Variants in BTBD7 observed in about 807,000 individuals in gnomAD.
The protein encoded by BTBD7 is BTB domain containing 7, also known as BTB/POZ domain-containing protein 7.
Under a neutral mutation model 99.9 loss-of-function variants are expected in BTBD7, and 38 were observed. The ratio of observed to expected loss-of-function variants is 0.38; its 90% CI spans 0.29 to 0.50. The LOEUF (loss-of-function observed/expected upper bound fraction) is 0.50. Among genes scored for constraint, BTBD7 ranks in the 20% least tolerant of loss-of-function variants. The pLI is 0.93. For synonymous variants in BTBD7, 520 were observed against 511.4 expected, an observed-to-expected ratio of 1.02 and a Z score of -0.23; for missense variants, 1,170 against 1,394.6, an observed-to-expected ratio of 0.84 and a Z score of 2.57.
At chr14:93,278,474 G>A (rs1014620525) in intron 3 of BTBD7, among the ~76,000 whole-genome samples, 1 of 152,072 alleles carries the variant, frequency 6.6e-6, no homozygotes. Context: ...ATATGATCAT[G>A]TGCTCCCTTC....
Position 93,284,528 on chromosome 14 carries a change from G to T in BTBD7, c.1162+9330C>A, listed in dbSNP as rs561293025. Among the ~76,000 whole-genome samples, 4 of 151,316 alleles carry T rather than the reference G, an allele frequency of 2.6e-5. No individual in the cohort carries two copies. In the East Asian group the frequency reaches 7.8e-4, roughly 29 times the overall value. On this transcript the variant is annotated intron_variant, in intron 3 of 10. Coordinates refer to ENST00000334746, the MANE Select transcript of BTBD7 (RefSeq NM_001002860.4). Reference sequence around the variant, plus strand: ...TAAAAATAATTCAAAACATGTAACTGACAGTATACTAAGAATAAAGCAGTG... The same window carrying T: ...TAAAAATAATTCAAAACATGTAACTTACAGTATACTAAGAATAAAGCAGTG...
At chr14:93,301,597 G>C (rs1160087452) in intron 1 of BTBD7, among the ~76,000 whole-genome samples, 2 of 152,164 alleles carry the variant, frequency 1.3e-5, no homozygotes, top group African/African-American at 4.8e-5. Context: ...GGCTGAGGCA[G>C]GAAGATTGCT....
chr14:93,297,511 T>TG (rs1283981527), intron 1 of BTBD7, among the ~76,000 whole-genome samples: 2 of 152,086 alleles, frequency 1.3e-5, no homozygotes, highest in Non-Finnish European at 2.9e-5. Flanking sequence ...TTAGTAGAGA[T>TG]GGGGTTTCAC....
intron 1 of BTBD7, among the ~76,000 whole-genome samples, chr14:93,324,428 A>AAAATAAAAAAAAT (rs371147922): frequency 2.0e-5 from 3 of 151,296 alleles, no homozygotes; most frequent in Non-Finnish European, 4.4e-5. Context: ...TCTCAAAAAA[A>AAAATAAAAAAAAT]AAAAAAAGAG....
At chr14:93,272,498 CCTCT>C (rs1257133425) in intron 3 of BTBD7, among the ~76,000 whole-genome samples, 1 of 152,280 alleles carries the variant, frequency 6.6e-6, no homozygotes, top group Non-Finnish European at 1.5e-5. Flanking sequence ...CTTCAATTAG[CCTCT>C]CTTCCATTCC....
chr14:93,298,047 CTTTT>C (rs34985437), intron 1 of BTBD7, among the ~76,000 whole-genome samples: 9 of 151,918 alleles, frequency 5.9e-5, no homozygotes, highest in African/African-American at 1.9e-4. Flanking sequence ...ATTATTATTT[CTTTT>C]TTTTGTTTGT....
At chr14:93,253,822 C>A (rs369555602) in intron 6 of BTBD7, 32 bp from the exon 7 acceptor site, 8 of 1,296,362 alleles carry the variant, frequency 6.2e-6, no homozygotes, top group Non-Finnish European at 8.5e-6. Context: ...AGATAGAAAT[C>A]TGTGTAGTAC....
chr14:93,309,717 T>C (rs1001964057), intron 1 of BTBD7, among the ~76,000 whole-genome samples: 2 of 152,058 alleles, frequency 1.3e-5, no homozygotes, highest in African/African-American at 2.4e-5. Flanking sequence ...AACAGTAAAA[T>C]GTTTCTTGAT....
rs1384626018 is a variant in BTBD7 at position 93,240,114 on chromosome 14, C to A, written c.*2159G>T. ...TTACAAATGAGAACAGAGGCCTATG[C>A]TTTTCTCTTTAAAAAAGGAGCCTCG... On this transcript the variant is annotated 3_prime_UTR_variant, in exon 11 of 11. Transcript: ENST00000334746. 2 of 152,258 alleles carry A rather than the reference C, an allele frequency of 1.3e-5. No homozygotes were observed. Among genetic ancestry groups the A allele is most frequent in the Non-Finnish European group, 2.9e-5 (2 of 68,036 alleles). 9.4% of individuals were successfully genotyped at this position (152,258 alleles called of 1,614,324 possible). A position where few individuals can be genotyped will look rare whatever the true frequency, so the allele number is the denominator to read the frequency against.
intron 3 of BTBD7, among the ~76,000 whole-genome samples, chr14:93,273,837 G>C (rs1238149118): frequency 6.6e-6 from 1 of 152,224 alleles, no homozygotes; most frequent in African/African-American, 2.4e-5. Context: ...TGGGAGGAAA[G>C]AGTGTAGGCA....
At chr14:93,312,833 C>G (rs913151982) in intron 1 of BTBD7, among the ~76,000 whole-genome samples, 2 of 152,196 alleles carry the variant, frequency 1.3e-5, no homozygotes, top group African/African-American at 4.8e-5. Flanking sequence ...TGCCACTGTA[C>G]CCTCTCCTTT....
chr14:93,314,465 A>G (rs1305240223), intron 1 of BTBD7, among the ~76,000 whole-genome samples: 1 of 152,188 alleles, frequency 6.6e-6, no homozygotes, highest in Non-Finnish European at 1.5e-5. Context: ...ATAATATAGC[A>G]AGGTTGCAAA....
chr14:93,248,944 G>C (rs2052342760), intron 8 of BTBD7, among the ~76,000 whole-genome samples: 1 of 152,022 alleles, frequency 6.6e-6, no homozygotes, highest in East Asian at 1.9e-4. Flanking sequence ...CTGAATCTCA[G>C]GATATTTCAG....
chr14:93,331,334 T>C (rs1370450329), intron 1 of BTBD7, among the ~76,000 whole-genome samples: 1 of 152,136 alleles, frequency 6.6e-6, no homozygotes, highest in African/African-American at 2.4e-5. Flanking sequence ...GTCTAATCCA[T>C]CGCCAGCTGT....
chr14:93,264,682 G>A (rs181417432), intron 3 of BTBD7, among the ~76,000 whole-genome samples: 44 of 152,266 alleles, frequency 2.9e-4, no homozygotes, highest in Non-Finnish European at 5.1e-4. Context: ...GTAAAAATCT[G>A]AGTGACAAAG....
chr14:93,309,824 T>C (rs1017210151), intron 1 of BTBD7, among the ~76,000 whole-genome samples: 2 of 152,176 alleles, frequency 1.3e-5, no homozygotes, highest in African/African-American at 4.8e-5. Context: ...TTCCTATTAC[T>C]TGTTTTTCCT....
chr14:93,253,479 C>T (rs892578764), intron 7 of BTBD7, among the ~76,000 whole-genome samples, 168 bp downstream of exon 7: 22 of 152,136 alleles, frequency 1.4e-4, no homozygotes, highest in African/African-American at 1.4e-4. Flanking sequence ...TAAAATTAAA[C>T]GTTTTAGAAA....
At position 93,253,050 on chromosome 14, in the gene BTBD7, G is replaced by A. The variant is rs116962908; in HGVS notation, c.1752+597C>T. ...TACCATGTTGCCCAGGATGGACCCC[G>A]GAAAGTTCTTATGGCTGAACATCTA... On this transcript the variant is annotated intron_variant, in intron 7 of 10. Coordinates refer to ENST00000334746, the MANE Select transcript of BTBD7 (RefSeq NM_001002860.4). Among the ~76,000 whole-genome samples, 63 of 152,148 alleles carry A rather than the reference G, an allele frequency of 4.1e-4. No homozygotes were observed. The East Asian group carries it at 8.5e-3, about 20-fold the overall frequency.
At chr14:93,312,888 T>A (rs890090889) in intron 1 of BTBD7, among the ~76,000 whole-genome samples, 2 of 152,178 alleles carry the variant, frequency 1.3e-5, no homozygotes, top group African/African-American at 4.8e-5. Flanking sequence ...TTGCCGGCTC[T>A]GGGTCTCTTC....
Sources: gnomAD v4.1 joint callset for allele counts (sites outside exome capture counted in the v4.1 genomes callset) on GRCh38, gnomAD v4.1.1 for gene constraint, MANE v1.5 for transcripts, NCBI Gene and HGNC (gene_info 2026-07-23, HGNC 2026-07-21) for gene names.